The following SGCD variants were observed in gnomAD, a reference collection of about 807,000 sequenced individuals.
SGCD encodes the protein delta-sarcoglycan.
A neutral mutation model predicts 36.6 loss-of-function variants in SGCD; 18 were observed. The observed-to-expected ratio is 0.49, with a 90% CI of 0.34 to 0.73. The LOEUF is 0.73. Ranked by LOEUF, SGCD falls within the 30% of genes least tolerant of loss-of-function variation. The pLI is 0.01. For missense variants in SGCD, 387 were observed against 346.7 expected (o/e 1.12, Z -0.92); for synonymous variants, 133 against 130.6 (o/e 1.02, Z -0.12).
At chr5:156,546,469 A>G (rs141258283) in intron 4 of SGCD, among the ~76,000 whole-genome samples, 8 of 152,342 alleles carry the variant, frequency 5.3e-5, no homozygotes, top group African/African-American at 1.9e-4. Flanking sequence ...CTACCATGGT[A>G]GATTCTATGG....
chr5:156,442,326 G>C (rs75105227), intron 3 of SGCD, among the ~76,000 whole-genome samples: 2,094 of 152,292 alleles, frequency 0.014, 22 homozygotes, highest in Non-Finnish European at 0.023. Context: ...AGAGTAGAAA[G>C]GGCTATGAGA....
intron 4 of SGCD, among the ~76,000 whole-genome samples, chr5:156,515,350 C>T (rs1251876893): frequency 6.6e-6 from 1 of 152,148 alleles, no homozygotes; most frequent in East Asian, 1.9e-4. Context: ...GATTAAAACA[C>T]ACATGGAGGG....
At chr5:156,667,335 A>C (rs1232816954) in intron 7 of SGCD, among the ~76,000 whole-genome samples, 2 of 152,144 alleles carry the variant, frequency 1.3e-5, no homozygotes, top group Non-Finnish European at 2.9e-5. Flanking sequence ...GGGCAGTATG[A>C]CTGATACCAT....
At chr5:156,266,504 G>T (rs1264744463) in intron 3 of SGCD, among the ~76,000 whole-genome samples, 1 of 152,160 alleles carries the variant, frequency 6.6e-6, no homozygotes, top group Non-Finnish European at 1.5e-5. Flanking sequence ...AAATTTTGTA[G>T]ATGGAGTCTC....
the SGCD span, among the ~76,000 whole-genome samples, chr5:155,759,179 C>G: frequency 6.6e-6 from 1 of 152,122 alleles, no homozygotes. Flanking sequence ...CAATTTGTCT[C>G]AAACCCTGTT....
chr5:156,420,560 A>G (rs1773255525), intron 3 of SGCD, among the ~76,000 whole-genome samples: 1 of 152,124 alleles, frequency 6.6e-6, no homozygotes, highest in South Asian at 2.1e-4. Context: ...ATAAAAATCC[A>G]TCTGAACTGA....
At chr5:156,220,038 C>A (rs1389795479) in intron 3 of SGCD, among the ~76,000 whole-genome samples, 1 of 151,806 alleles carries the variant, frequency 6.6e-6, no homozygotes, top group African/African-American at 2.4e-5. Flanking sequence ...ATACTGGAGG[C>A]AGGATATAAG....
intron 2 of SGCD, among the ~76,000 whole-genome samples, chr5:156,337,655 C>T (rs1273123861): frequency 3.3e-5 from 5 of 152,120 alleles, no homozygotes; most frequent in East Asian, 1.9e-4. Flanking sequence ...GGTACCTCTT[C>T]GTTCTTCCTA....
intron 3 of SGCD, among the ~76,000 whole-genome samples, chr5:156,294,834 A>G (rs1766853970): frequency 6.6e-6 from 1 of 152,102 alleles, no homozygotes; most frequent in South Asian, 2.1e-4. Flanking sequence ...AATAAATCCC[A>G]CTTGGCCATA....
Position 156,444,161 on chromosome 5 carries a change from CCT to C in SGCD, c.193-64428_193-64427del, listed in dbSNP as rs898473505. 1.5e-3 allele frequency among the ~76,000 whole-genome samples: 165 copies of C among 109,552 alleles called. 1 individual carries two copies. The highest frequency in any genetic ancestry group is 2.4e-4 in the Non-Finnish European group (13 of 54,690). 71.9% of individuals were successfully genotyped at this position (109,552 alleles called of 152,430 possible). ...CTCCTTCCCTTTCTCTCTCTCCTTC[CCT>C]CTCTCTCTCTCCTTCCCTCTCTCTC... On this transcript the variant is annotated intron_variant, in intron 3 of 8. Coordinates refer to ENST00000337851, the MANE Select transcript of SGCD (RefSeq NM_000337.6).
intron 4 of SGCD, among the ~76,000 whole-genome samples, chr5:156,565,962 G>A (rs898047856): frequency 1.3e-5 from 2 of 152,152 alleles, no homozygotes; most frequent in Non-Finnish European, 2.9e-5. Flanking sequence ...GGGCATTTGA[G>A]TTAGTTCCAA....
chr5:156,371,532 G>A (rs1160267504), intron 3 of SGCD, among the ~76,000 whole-genome samples: 2 of 152,196 alleles, frequency 1.3e-5, no homozygotes, highest in Non-Finnish European at 2.9e-5. Flanking sequence ...GAGAAGGAGA[G>A]AAAGGACCGA....
intron 3 of SGCD, among the ~76,000 whole-genome samples, chr5:156,229,847 G>C (rs1042989953): frequency 3.3e-5 from 5 of 152,048 alleles, no homozygotes; most frequent in African/African-American, 1.2e-4. Context: ...TGGAAGCTTT[G>C]TTCATATTTT....
intron 3 of SGCD, among the ~76,000 whole-genome samples, chr5:156,179,675 G>T (rs544518145): frequency 2.0e-5 from 3 of 148,944 alleles, no homozygotes; most frequent in African/African-American, 7.5e-5. Context: ...AGGCTGGAGT[G>T]CACTGGCGTG....
intron 3 of SGCD, among the ~76,000 whole-genome samples, chr5:156,452,848 C>A (rs189551575): frequency 3.3e-5 from 5 of 152,150 alleles, no homozygotes; most frequent in Non-Finnish European, 5.9e-5. Flanking sequence ...TGTGCTATCT[C>A]CCAAATAGTT....
At chr5:155,997,867 G>A (rs969021713) in intron 1 of SGCD, among the ~76,000 whole-genome samples, 1 of 152,220 alleles carries the variant, frequency 6.6e-6, no homozygotes, top group Admixed American at 6.5e-5. Flanking sequence ...TCAACTTGTT[G>A]TTGACTCTTT....
At chr5:156,611,721 A>G (rs1011708183) in intron 6 of SGCD, among the ~76,000 whole-genome samples, 3 of 152,192 alleles carry the variant, frequency 2.0e-5, no homozygotes, top group Admixed American at 2.0e-4. Flanking sequence ...TAATGCAAAC[A>G]TTCGTTAACT....
chr5:156,126,244 C>T (rs989881147), intron 3 of SGCD, among the ~76,000 whole-genome samples: 5 of 152,006 alleles, frequency 3.3e-5, no homozygotes, highest in South Asian at 2.1e-4. Flanking sequence ...TCCTCAAATA[C>T]GTAGAGAAGC....
chr5:156,324,193 G>A (rs1334059728), upstream of SGCD, among the ~76,000 whole-genome samples: 1 of 152,120 alleles, frequency 6.6e-6, no homozygotes, highest in East Asian at 1.9e-4. Context: ...GTTAACAAAG[G>A]GATGCTAGCA....
Sources: gnomAD v4.1 joint callset for allele counts (sites outside exome capture counted in the v4.1 genomes callset) on GRCh38, gnomAD v4.1.1 for gene constraint, MANE v1.5 for transcripts, NCBI Gene and HGNC (gene_info 2026-07-23, HGNC 2026-07-21) for gene names.